Variants in NPM1 observed in about 807,000 individuals in gnomAD.
NPM1 encodes the protein nucleophosmin 1.
A neutral mutation model predicts 44.1 loss-of-function variants in NPM1; 1 was observed. The observed-to-expected ratio is 0.02, with a 90% CI of 0.01 to 0.11. The LOEUF is 0.11. Ranked by LOEUF, NPM1 falls within the 10% of genes least tolerant of loss-of-function variation. The pLI is 1.00. For synonymous variants in NPM1, 126 were observed against 111.8 expected (o/e 1.13, Z -0.80); for missense variants, 197 against 347.8 (o/e 0.57, Z 3.45).
chr5:171,402,894 C>T (rs1328442207), intron 8 of NPM1, among the ~76,000 whole-genome samples: 1 of 148,630 alleles, frequency 6.7e-6, no homozygotes, highest in Non-Finnish European at 1.5e-5. Context: ...ATACAGCCTA[C>T]AGCACTGTAA....
intron 6 of NPM1, among the ~76,000 whole-genome samples, chr5:171,399,549 A>G (rs1392899668): frequency 6.6e-6 from 1 of 152,192 alleles, no homozygotes; most frequent in Non-Finnish European, 1.5e-5. Context: ...GGGTTTGTTT[A>G]TAAATTTTAG....
rs539386865 is a variant in NPM1 at position 171,406,234 on chromosome 5, G to T, written c.771+831G>T. ...TACAGTGATAAGTCCACTGGAAAAA[G>T]AATTTTAGAACTGGAACATATTTCT... On this transcript the variant is annotated intron_variant, in intron 9 of 10. Coordinates refer to ENST00000296930, the MANE Select transcript of NPM1 (RefSeq NM_002520.7). Among the ~76,000 whole-genome samples the T allele has an allele frequency of 2.0e-5, 3 of 151,940 alleles. No homozygotes were observed. In the South Asian group the frequency reaches 6.2e-4, roughly 31 times the overall value.
intron 7 of NPM1, 117 bp downstream of exon 7, chr5:171,400,327 A>AGGGAG: frequency 3.8e-5 from 46 of 1,198,088 alleles, no homozygotes; most frequent in Non-Finnish European, 4.7e-5. Flanking sequence ...TCTCATACTG[A>AGGGAG]AAATTAGTCC....
Position 171,391,831 on chromosome 5 carries a change from T to C in NPM1, c.352+32T>C, listed in dbSNP as rs559635693. On this transcript the variant is annotated intron_variant, in intron 4 of 10. Transcript: ENST00000296930. Reference sequence around the variant, plus strand: ...TATTTTTATATATTATACTACTTAGTTTGTCCTCTTTAGTGCAGTTGCTTG... The same window carrying C: ...TATTTTTATATATTATACTACTTAGCTTGTCCTCTTTAGTGCAGTTGCTTG... 3 of 1,364,354 alleles carry C rather than the reference T, an allele frequency of 2.2e-6. No individual in the cohort carries two copies. In the African/African-American group the frequency reaches 4.3e-5, roughly 20 times the overall value. 84.5% of individuals were successfully genotyped at this position (1,364,354 alleles called of 1,614,324 possible). A position where few individuals can be genotyped will look rare whatever the true frequency, so the allele number is the denominator to read the frequency against.
intron 6 of NPM1, among the ~76,000 whole-genome samples, chr5:171,399,788 A>G (rs945566502): frequency 1.1e-4 from 16 of 152,136 alleles, no homozygotes; most frequent in African/African-American, 3.9e-4. Flanking sequence ...ATTTATGCAA[A>G]ACTACTCATT....
intron 6 of NPM1, among the ~76,000 whole-genome samples, chr5:171,394,197 A>G (rs1770753223): frequency 6.6e-6 from 1 of 151,708 alleles, no homozygotes; most frequent in African/African-American, 2.4e-5. Flanking sequence ...TCGGGGCACC[A>G]TGCCCTGCTA....
At chr5:171,389,540 T>A (rs1770462412) in intron 1 of NPM1, among the ~76,000 whole-genome samples, 1 of 152,246 alleles carries the variant, frequency 6.6e-6, no homozygotes, top group South Asian at 2.1e-4. Flanking sequence ...GTTTGAGGCG[T>A]ATGTCACTTT....
chr5:171,401,065 T>C (rs1771172161), intron 8 of NPM1, 140 bp downstream of exon 8: 1 of 639,952 alleles, frequency 1.6e-6, no homozygotes, highest in East Asian at 2.9e-5. Context: ...AAAATCAGCT[T>C]GCTGCAGCCA....
chr5:171,402,794 C>G (rs1232659841), intron 8 of NPM1, among the ~76,000 whole-genome samples: 1 of 136,276 alleles, frequency 7.3e-6, no homozygotes, highest in Non-Finnish European at 1.6e-5. Context: ...TGTGCTCTCT[C>G]TCTTCTGCTG....
At position 171,390,043 on chromosome 5, in the gene NPM1, A is replaced by G; in HGVS notation, c.59-8A>G. 1 of 1,553,534 alleles carries G rather than the reference A, an allele frequency of 6.4e-7. No homozygotes were observed. Among genetic ancestry groups the G allele is most frequent in the Admixed American group, 2.0e-5 (1 of 51,028 alleles). On this transcript the variant is annotated splice_region_variant and splice_polypyrimidine_tract_variant and intron_variant, in intron 1 of 10. Transcript: ENST00000296930. ...CCTTGTTAGAGTTGCTTTTTTCTTCATTTACAGGTTGTGAACTAAAGGCCG... is the reference window on the plus strand; with the variant it reads ...CCTTGTTAGAGTTGCTTTTTTCTTCGTTTACAGGTTGTGAACTAAAGGCCG...
At position 171,410,582 on chromosome 5, in the gene NPM1, A is replaced by G. The variant is rs376359773; in HGVS notation, c.*17A>G. The G allele has an allele frequency of 2.0e-6, 3 of 1,495,908 alleles. No homozygotes were observed. In the African/African-American group the frequency reaches 4.2e-5, roughly 21 times the overall value. 92.7% of individuals were successfully genotyped at this position (1,495,908 alleles called of 1,614,324 possible). On this transcript the variant is annotated 3_prime_UTR_variant, in exon 11 of 11. Coordinates refer to ENST00000296930, the MANE Select transcript of NPM1 (RefSeq NM_002520.7). ...TCTCTTTAAGAAAATAGTTTAAACA[A>G]TTTGTTAAAAAATTTTCCGTCTTAT...
intron 9 of NPM1, chr5:171,406,404 G>A (rs757780376): frequency 1.2e-6 from 2 of 1,612,932 alleles, no homozygotes; most frequent in Non-Finnish European, 1.7e-6. Flanking sequence ...CAGGCGCATT[G>A]AACAGTCCTG....
intron 8 of NPM1, among the ~76,000 whole-genome samples, chr5:171,402,777 C>T (rs1427842500): frequency 1.5e-5 from 2 of 135,358 alleles, no homozygotes; most frequent in Non-Finnish European, 3.2e-5. Flanking sequence ...TGTAGCACCT[C>T]CCCCTTTGTG....
At chr5:171,390,902 T>C (rs1770542893) in intron 2 of NPM1, among the ~76,000 whole-genome samples, 1 of 151,658 alleles carries the variant, frequency 6.6e-6, no homozygotes, top group Admixed American at 6.6e-5. Flanking sequence ...TTTGTGTTTT[T>C]AGTAGAGACG....
chr5:171,387,922 T>G lies in NPM1; in HGVS notation c.-27T>G. The G allele has an allele frequency of 1.2e-6, 2 of 1,607,946 alleles. No homozygotes were observed. Among genetic ancestry groups the G allele is most frequent in the Non-Finnish European group, 1.7e-6 (2 of 1,176,140 alleles). ...TTCTTTTATCTCCGTCCGCCTTCTC[T>G]CCTACCTAAGTGCGTGCCGCCACCC... On this transcript the variant is annotated 5_prime_UTR_variant, in exon 1 of 11. Coordinates refer to ENST00000296930, the MANE Select transcript of NPM1 (RefSeq NM_002520.7).
rs758162516 is a variant in NPM1, at chr5:171,410,607, T to C, written c.*42T>C. 81 of 1,237,402 alleles carry C rather than the reference T, an allele frequency of 6.5e-5. No homozygotes were observed. Among genetic ancestry groups the C allele is most frequent in the Non-Finnish European group, 8.3e-5 (73 of 874,556 alleles). The allele number at this position is 1,237,402 out of a possible 1,614,324, so 76.7% of individuals were successfully genotyped here. The stretch of plus-strand genomic sequence containing the variant: ...ATTTGTTAAAAAATTTTCCGTCTTA[T>C]TTCATTTCTGTAACAGTTGATATCT... On this transcript the variant is annotated 3_prime_UTR_variant, in exon 11 of 11. Transcript: ENST00000296930.
chr5:171,394,361 A>T (rs929603806), intron 6 of NPM1, among the ~76,000 whole-genome samples: 1 of 152,122 alleles, frequency 6.6e-6, no homozygotes, highest in Admixed American at 6.6e-5. Flanking sequence ...TTTAATAGAC[A>T]TGGGGTTTCA....
At chr5:171,400,571 C>T (rs879751577) in intron 7 of NPM1, among the ~76,000 whole-genome samples, 10 of 151,778 alleles carry the variant, frequency 6.6e-5, no homozygotes, top group Non-Finnish European at 1.3e-4. Context: ...ATTCTCCTGC[C>T]TCAGCCTCCT....
At chr5:171,402,789 T>G (rs1771283256) in intron 8 of NPM1, among the ~76,000 whole-genome samples, 1 of 135,394 alleles carries the variant, frequency 7.4e-6, no homozygotes, top group Non-Finnish European at 1.6e-5. Flanking sequence ...CCCTTTGTGC[T>G]CTCTCTCTTC....
Sources: allele counts gnomAD v4.1 joint callset (sites outside exome capture counted in the v4.1 genomes callset), GRCh38; gene constraint gnomAD v4.1.1; transcripts MANE v1.5; gene names NCBI Gene and HGNC (gene_info 2026-07-23, HGNC 2026-07-21).